The following SFTPD variants were observed in gnomAD, a reference collection of about 807,000 sequenced individuals.
SFTPD encodes pulmonary surfactant-associated protein D.
SFTPD carries 18 observed loss-of-function variants against 34.6 expected under a neutral mutation model. That is an observed-to-expected ratio of 0.52 (90% CI 0.36 to 0.77). The LOEUF is 0.77. SFTPD is among the 30% of genes least tolerant of loss of function. The probability of loss-of-function intolerance (pLI) is 0.00; values close to 1 mark genes in which losing one functional copy is unlikely to be tolerated. For missense variants in SFTPD, 433 were observed against 468.9 expected (o/e 0.92, Z 0.71); for synonymous variants, 155 against 180.9 (o/e 0.86, Z 1.15).
At chr10:79,943,077 G>A (rs919980569) in intron 2 of SFTPD, among the ~76,000 whole-genome samples, 198 bp from the exon 3 acceptor site, 4 of 152,138 alleles carry the variant, frequency 2.6e-5, no homozygotes, top group Non-Finnish European at 5.9e-5. Flanking sequence ...GCCTTCCAGA[G>A]TTGGAGGCGG....
At chr10:79,943,104 G>T (rs1306446500) in intron 2 of SFTPD, among the ~76,000 whole-genome samples, 2 of 152,122 alleles carry the variant, frequency 1.3e-5, no homozygotes, top group African/African-American at 2.4e-5. Context: ...GCCAAGACCT[G>T]CCTGACCTTC....
chr10:79,977,857 A>G (rs1842871403), intron 1 of SFTPD, among the ~76,000 whole-genome samples: 2 of 150,912 alleles, frequency 1.3e-5, no homozygotes, highest in Non-Finnish European at 3.0e-5. Flanking sequence ...AATTTTGAGG[A>G]AAGTTTTATT....
chr10:79,977,038 C>T (rs117727757), intron 1 of SFTPD, among the ~76,000 whole-genome samples: 1 of 152,288 alleles, frequency 6.6e-6, no homozygotes, highest in East Asian at 1.9e-4. Flanking sequence ...TCCCCAGACA[C>T]GTGGAACTGT....
chr10:79,963,357 A>T (rs1356350766), intron 1 of SFTPD, among the ~76,000 whole-genome samples: 1 of 152,014 alleles, frequency 6.6e-6, no homozygotes, highest in Non-Finnish European at 1.5e-5. Flanking sequence ...TTAAAAAAAA[A>T]AAAAAAACTA....
intron 1 of SFTPD, among the ~76,000 whole-genome samples, chr10:79,948,035 C>G (rs1285756146): frequency 1.3e-5 from 2 of 152,234 alleles, no homozygotes; most frequent in Non-Finnish European, 2.9e-5. Flanking sequence ...GTGCCTTCTT[C>G]TTTGACTGCT....
chr10:79,960,615 A>C (rs1392810485), intron 1 of SFTPD, among the ~76,000 whole-genome samples: 2 of 150,838 alleles, frequency 1.3e-5, no homozygotes, highest in East Asian at 3.9e-4. Flanking sequence ...TTCAAGGAGA[A>C]CTACAAACAA....
At chr10:79,963,719 G>A (rs1484986343) in intron 1 of SFTPD, among the ~76,000 whole-genome samples, 1 of 152,044 alleles carries the variant, frequency 6.6e-6, no homozygotes, top group Admixed American at 6.6e-5. Context: ...TTATTATATA[G>A]AGTGAGCTTG....
chr10:79,959,471 C>A (rs958060347), intron 1 of SFTPD, among the ~76,000 whole-genome samples: 1 of 151,892 alleles, frequency 6.6e-6, no homozygotes, highest in African/African-American at 2.4e-5. Flanking sequence ...ATATCACCAC[C>A]GATCCCACAG....
intron 7 of SFTPD, among the ~76,000 whole-genome samples, 177 bp from the exon 8 acceptor site, chr10:79,938,405 C>T (rs866372673): frequency 6.6e-6 from 1 of 152,100 alleles, no homozygotes; most frequent in Non-Finnish European, 1.5e-5. Flanking sequence ...CCATGACCTA[C>T]CCTGTGAGGT....
upstream of SFTPD, among the ~76,000 whole-genome samples, chr10:79,951,579 G>A (rs1390539592): frequency 1.3e-5 from 2 of 152,196 alleles, no homozygotes; most frequent in Non-Finnish European, 2.9e-5. Flanking sequence ...CTTCTGAGGG[G>A]CTGGGAATGT....
At chr10:79,964,913 C>T (rs1842795172) in intron 1 of SFTPD, among the ~76,000 whole-genome samples, 1 of 152,142 alleles carries the variant, frequency 6.6e-6, no homozygotes, top group South Asian at 2.1e-4. Context: ...TCATTTCTCC[C>T]CTTCTGTCAG....
intron 2 of SFTPD, among the ~76,000 whole-genome samples, chr10:79,943,509 G>C (rs1463081074): frequency 6.6e-6 from 1 of 152,184 alleles, no homozygotes; most frequent in Admixed American, 6.5e-5. Context: ...TCTTCAAAGA[G>C]AAAGTGGGAT....
intron 1 of SFTPD, among the ~76,000 whole-genome samples, chr10:79,977,223 A>G (rs1842868209): frequency 6.6e-6 from 1 of 152,134 alleles, no homozygotes; most frequent in African/African-American, 2.4e-5. Context: ...CTTTAGCAAA[A>G]GTCTCTGCAA....
At chr10:79,938,320 C>T in intron 7 of SFTPD, 92 bp from the exon 8 acceptor site, 1 of 1,184,716 alleles carries the variant, frequency 8.4e-7, no homozygotes, top group Non-Finnish European at 1.2e-6. Flanking sequence ...CTGAGCCTTT[C>T]AGACCTCCCA....
At chr10:79,949,695 G>T (rs937110017), upstream of SFTPD, among the ~76,000 whole-genome samples, 8 of 152,194 alleles carry the variant, frequency 5.3e-5, no homozygotes, top group Non-Finnish European at 1.0e-4. Context: ...TGCCTTGCTT[G>T]TCTTTTGTGG....
In SFTPD at chr10:79,982,169, G is replaced by C. The variant is rs1251194364; in HGVS notation, c.36+406C>G. On this transcript the variant is annotated intron_variant, in intron 1 of 5. Coordinates refer to the SFTPD transcript ENST00000444384. ...CGCCTGGCGGGGCAGGGCGGACATG[G>C]GCACCAAGCAGAGGAGCCGCACGCG... The C allele has an allele frequency of 1.4e-5, 6 of 419,234 alleles. No individual in the cohort carries two copies. In the East Asian group the frequency reaches 2.8e-4, roughly 19 times the overall value. The allele number at this position is 419,234 out of a possible 1,614,324, so 26.0% of individuals were successfully genotyped here.
At chr10:79,955,097 C>A (rs1208991951) in intron 1 of SFTPD, among the ~76,000 whole-genome samples, 1 of 152,152 alleles carries the variant, frequency 6.6e-6, no homozygotes, top group Admixed American at 6.5e-5. Context: ...TAGCAGTGGT[C>A]CCCTGGTGCC....
intron 1 of SFTPD, among the ~76,000 whole-genome samples, chr10:79,965,583 T>TG (rs1304518868): frequency 9.8e-5 from 2 of 20,438 alleles, no homozygotes; most frequent in East Asian, 7.6e-3. Flanking sequence ...TTATTTTTAA[T>TG]GTTTTTTTTT....
intron 1 of SFTPD, among the ~76,000 whole-genome samples, chr10:79,975,764 T>C (rs906691344): frequency 6.6e-6 from 1 of 152,202 alleles, no homozygotes; most frequent in Non-Finnish European, 1.5e-5. Flanking sequence ...TTTGTATAGA[T>C]ATTCGATTAA....
Sources: gnomAD v4.1 joint callset for allele counts (sites outside exome capture counted in the v4.1 genomes callset) on GRCh38, gnomAD v4.1.1 for gene constraint, MANE v1.5 for transcripts, NCBI Gene and HGNC (gene_info 2026-07-23, HGNC 2026-07-21) for gene names.